The following RALGAPA1 variants were observed in gnomAD, a reference collection of about 807,000 sequenced individuals.
The protein encoded by RALGAPA1 is Ral GTPase activating protein catalytic subunit alpha 1.
A neutral mutation model predicts 269.6 loss-of-function variants in RALGAPA1; 52 were observed. The observed-to-expected ratio is 0.19, with a 90% CI of 0.15 to 0.24. The LOEUF is 0.24. RALGAPA1 is among the 10% of genes least tolerant of loss of function. The pLI, the probability that RALGAPA1 is intolerant of heterozygous loss-of-function variation, is 1.00. For synonymous variants in RALGAPA1, 817 were observed against 1,008.3 expected (o/e 0.81, Z 3.60); for missense variants, 1,917 against 3,013.9 (o/e 0.64, Z 8.52).
chr14:35,766,241 A>T, intron 4 of RALGAPA1: 1 of 800,864 alleles, frequency 1.2e-6, no homozygotes, highest in Admixed American at 1.7e-5. Flanking sequence ...TCTTAACCAG[A>T]TGTGTGGATG....
intron 37 of RALGAPA1, among the ~76,000 whole-genome samples, chr14:35,594,301 G>A (rs1029193015): frequency 5.9e-5 from 9 of 152,088 alleles, no homozygotes; most frequent in Non-Finnish European, 1.0e-4. Context: ...AGCTTCTGCA[G>A]AACAAAGGTA....
At chr14:35,775,827 A>G in intron 1 of RALGAPA1, 82 bp from the exon 2 acceptor site, 3 of 1,300,934 alleles carry the variant, frequency 2.3e-6, no homozygotes, top group Non-Finnish European at 1.0e-6. Flanking sequence ...AGTTTCCTTC[A>G]AAGTCAAAGA....
Position 35,738,594 on chromosome 14 carries a change from G to A in RALGAPA1, c.1506C>T (p.Gly502=), listed in dbSNP as rs1175252299. The A allele has an allele frequency of 6.2e-7, 1 of 1,613,322 alleles. No individual in the cohort carries two copies. Among genetic ancestry groups the A allele is most frequent in the East Asian group, 2.2e-5 (1 of 44,866 alleles). ...CGTTATGAAGAGCACCTTGGTAGGAGCCGTTTTTTGCCCAACTGGAATTTC... is the reference window on the plus strand; with the variant it reads ...CGTTATGAAGAGCACCTTGGTAGGAACCGTTTTTTGCCCAACTGGAATTTC... ...HVRNSSWAKN[G]SYQGALHNAS... Residue 502 remains glycine, a synonymous_variant, in exon 12 of 42, where the codon GGC becomes GGT. Coordinates refer to ENST00000680220, the MANE Select transcript of RALGAPA1 (RefSeq NM_001346249.2).
intron 1 of RALGAPA1, among the ~76,000 whole-genome samples, chr14:35,804,400 C>A (rs959617024): frequency 6.0e-5 from 9 of 151,108 alleles, no homozygotes; most frequent in African/African-American, 2.2e-4. Context: ...GAAACCCTGT[C>A]TCTACTAAAA....
Position 35,671,461 on chromosome 14 carries a change from C to T in RALGAPA1, c.5130G>A (p.Leu1710=). Residue 1710 remains leucine, a synonymous_variant, in exon 26 of 42, where the codon TTG becomes TTA. Coordinates refer to ENST00000680220, the MANE Select transcript of RALGAPA1 (RefSeq NM_001346249.2). ...HCSPQFFSLG[L]PGATMLIMDF... ...CCATAATAAGCATTGTGGCACCAGGCAAACCAAGTGAAAAAAATTGAGGTG... is the reference window on the plus strand; with the variant it reads ...CCATAATAAGCATTGTGGCACCAGGTAAACCAAGTGAAAAAAATTGAGGTG... 1 of 1,606,490 alleles carries T rather than the reference C, an allele frequency of 6.2e-7. No individual in the cohort carries two copies. The highest frequency in any genetic ancestry group is 8.5e-7 in the Non-Finnish European group (1 of 1,173,682).
intron 4 of RALGAPA1, among the ~76,000 whole-genome samples, chr14:35,769,199 C>A (rs529798719): frequency 1.3e-5 from 2 of 150,444 alleles, no homozygotes; most frequent in South Asian, 4.3e-4. Context: ...GTTAGACTGG[C>A]CAATAAAATA....
intron 35 of RALGAPA1, among the ~76,000 whole-genome samples, chr14:35,619,197 TAGAA>T (rs1399504186): frequency 6.6e-6 from 1 of 152,070 alleles, no homozygotes; most frequent in Non-Finnish European, 1.5e-5. Context: ...CTGTAAGTGT[TAGAA>T]GGAGCAAGAT....
chr14:35,721,536 T>C (rs1325487682), intron 16 of RALGAPA1, 152 bp downstream of exon 16: 2 of 587,544 alleles, frequency 3.4e-6, no homozygotes, highest in South Asian at 5.8e-5. Flanking sequence ...CACTAGACTC[T>C]GAGTACTTCT....
rs1256832383 is a variant in RALGAPA1, at chr14:35,688,842, T to C, written c.3569A>G (p.Asn1190Ser). ...KLGGFSSGSS[N>S]SSTSNTHTST... ...GGTATGGGTGTTGCTAGTGCTGCTA[T>C]TGCTGCTACCACTACTAAAGCCACC... Residue 1190 changes from asparagine to serine, a missense_variant, in exon 18 of 42, where the codon AAT becomes AGT. This residue lies in a region of RALGAPA1 where 615 missense variants were observed against 790.0 expected (regional missense o/e 0.78). Coordinates refer to ENST00000680220, the MANE Select transcript of RALGAPA1 (RefSeq NM_001346249.2). 1.1e-5 allele frequency: 15 copies of C among 1,315,198 alleles called. No individual in the cohort carries two copies. Among genetic ancestry groups the C allele is most frequent in the Admixed American group, 3.4e-5 (1 of 29,714 alleles). 81.5% of individuals were successfully genotyped at this position (1,315,198 alleles called of 1,614,324 possible). A position where few individuals can be genotyped will look rare whatever the true frequency, so the allele number is the denominator to read the frequency against.
chr14:35,761,785 C>G (rs2073726546), intron 5 of RALGAPA1, among the ~76,000 whole-genome samples: 1 of 152,162 alleles, frequency 6.6e-6, no homozygotes, highest in Non-Finnish European at 1.5e-5. Context: ...TGTAAATTAC[C>G]TTACCAGAGC....
chr14:35,792,053 G>A (rs1010715778), intron 1 of RALGAPA1, among the ~76,000 whole-genome samples: 10 of 152,052 alleles, frequency 6.6e-5, no homozygotes, highest in Admixed American at 5.9e-4. Context: ...TGAAAAGGGA[G>A]GCTAGGATCA....
intron 37 of RALGAPA1, among the ~76,000 whole-genome samples, chr14:35,589,974 G>T (rs1221916902): frequency 6.6e-6 from 1 of 152,148 alleles, no homozygotes; most frequent in Non-Finnish European, 1.5e-5. Flanking sequence ...GATTACAAGT[G>T]TGAGCCACTG....
intron 35 of RALGAPA1, among the ~76,000 whole-genome samples, chr14:35,609,595 G>C (rs775217463): frequency 3.3e-5 from 5 of 152,044 alleles, no homozygotes; most frequent in African/African-American, 4.8e-5. Flanking sequence ...AGAACAAAAA[G>C]TTTTAAAAAA....
At chr14:35,640,078 G>A (rs2061925068) in intron 31 of RALGAPA1, among the ~76,000 whole-genome samples, 2 of 152,054 alleles carry the variant, frequency 1.3e-5, no homozygotes, top group Admixed American at 6.6e-5. Flanking sequence ...ATAGGATACA[G>A]TGAAAGCAGT....
chr14:35,783,387 C>A (rs2075585942), intron 1 of RALGAPA1, among the ~76,000 whole-genome samples: 1 of 151,844 alleles, frequency 6.6e-6, no homozygotes, highest in Non-Finnish European at 1.5e-5. Flanking sequence ...AAAGTCTTTT[C>A]AACACACAGT....
Position 35,700,237 on chromosome 14 carries a change from C to A in RALGAPA1, c.2332G>T (p.Ala778Ser). Residue 778 changes from alanine to serine, a missense_variant, in exon 17 of 42, where the codon GCT becomes TCT. Around this residue, in one of 11 missense-constraint regions of RALGAPA1, gnomAD observed 125 missense variants for 155.7 expected, o/e 0.80. Transcript: ENST00000680220. Reference sequence around the variant, plus strand: ...TTGGAAGTATGGATCAGAACAGGAGCACTTTTAGCACTGCGTATATAGGCC... The same window carrying A: ...TTGGAAGTATGGATCAGAACAGGAGAACTTTTAGCACTGCGTATATAGGCC... ...PSAYIRSAKS[A>S]PVLIHTSKPF... 4 of 1,535,602 alleles carry A rather than the reference C, an allele frequency of 2.6e-6. No homozygotes were observed. The highest frequency in any genetic ancestry group is 3.5e-6 in the Non-Finnish European group (4 of 1,146,566).
In RALGAPA1 at chr14:35,689,424, G is replaced by C. The variant is rs78218237; in HGVS notation, c.2987C>G (p.Thr996Ser). The change falls in exon 18 of 42, where the codon ACC becomes AGC. Residue 996 changes from threonine (T) to serine (S), a missense_variant. Thr to Ser is a moderately conservative substitution (Grantham distance 58, BLOSUM62 1). Coordinates refer to ENST00000680220, the MANE Select transcript of RALGAPA1 (RefSeq NM_001346249.2). ...TDQETESENI[T>S]SFVGTPENLQ... is the part of the protein sequence containing the mutation. ...GTTTTCAGGAGTCCCAACAAAAGAG[G>C]TGATATTTTCTGATTCAGTTTCCTG... 1 of 1,232,094 alleles carries C rather than the reference G, an allele frequency of 8.1e-7. No homozygotes were observed. The allele number at this position is 1,232,094 out of a possible 1,614,324, so 76.3% of individuals were successfully genotyped here.
At chr14:35,584,271 A>T (rs1831518404) in intron 37 of RALGAPA1, among the ~76,000 whole-genome samples, 1 of 151,994 alleles carries the variant, frequency 6.6e-6, no homozygotes, top group South Asian at 2.1e-4. Flanking sequence ...AGTATAGAAT[A>T]ATTTTTTTTT....
In RALGAPA1 at chr14:35,689,524, G is replaced by A. The variant is rs1448714350; in HGVS notation, c.2887C>T (p.Pro963Ser). 1 of 1,239,408 alleles carries A rather than the reference G, an allele frequency of 8.1e-7. No individual in the cohort carries two copies. The highest frequency in any genetic ancestry group is 1.0e-6 in the Non-Finnish European group (1 of 993,156). The allele number at this position is 1,239,408 out of a possible 1,614,324, so 76.8% of individuals were successfully genotyped here. ...NHSKNETGKD[P>S]ASQEVTIAVN... ...GCAATAGTCACTTCCTGAGAAGCTG[G>A]GTCTTTCCCTGTCTCATTTTTACTA... The change falls in exon 18 of 42, where the codon CCA becomes TCA. Residue 963 changes from proline to serine, a missense_variant. Physicochemically the swap from Pro to Ser is moderately conservative, Grantham distance 74. Transcript: ENST00000680220.
Sources: gnomAD v4.1 joint callset for allele counts (sites outside exome capture counted in the v4.1 genomes callset) on GRCh38, gnomAD v4.1.1 for gene constraint, gnomAD v4.1.1 regional missense constraint, MANE v1.5 for transcripts, NCBI Gene and HGNC (gene_info 2026-07-23, HGNC 2026-07-21) for gene names.